The following PNPT1 variants were observed in gnomAD, a reference collection of about 807,000 sequenced individuals.
PNPT1 encodes polyribonucleotide nucleotidyltransferase 1.
Under a neutral mutation model 119.5 loss-of-function variants are expected in PNPT1, and 53 were observed. The ratio of observed to expected loss-of-function variants is 0.44; its 90% CI spans 0.36 to 0.56. The LOEUF (loss-of-function observed/expected upper bound fraction) is 0.56, where lower values mean the gene tolerates loss of function less well. Ranked by LOEUF, PNPT1 falls within the 20% of genes least tolerant of loss-of-function variation. PNPT1 has a pLI of 0.00. For missense variants in PNPT1, 948 were observed against 938.5 expected (o/e 1.01, Z -0.13); for synonymous variants, 357 against 322.1 (o/e 1.11, Z -1.16).
intron 5 of PNPT1, among the ~76,000 whole-genome samples, chr2:55,681,595 A>G (rs959509457): frequency 1.1e-4 from 17 of 152,180 alleles, no homozygotes; most frequent in African/African-American, 3.9e-4. Flanking sequence ...CTGTAATCTC[A>G]ACATTTTGGG....
chr2:55,656,692 T>C (rs1186002423), intron 15 of PNPT1, among the ~76,000 whole-genome samples: 1 of 152,226 alleles, frequency 6.6e-6, no homozygotes, highest in Non-Finnish European at 1.5e-5. Context: ...AATATGTACA[T>C]ATTTAAAAAG....
At chr2:55,645,323 C>T (rs757242645) in intron 22 of PNPT1, 26 bp downstream of exon 22, 20 of 1,537,492 alleles carry the variant, frequency 1.3e-5, no homozygotes, top group South Asian at 9.0e-5. Context: ...CGCGCCCAGC[C>T]GATCACTAAA....
chr2:55,671,598 T>G (rs372302834), intron 10 of PNPT1, among the ~76,000 whole-genome samples: 1 of 152,230 alleles, frequency 6.6e-6, no homozygotes, highest in Admixed American at 6.5e-5. Flanking sequence ...AAAAGAACTT[T>G]GGGTGGCCAA....
Position 55,635,793 on chromosome 2 carries a change from T to C in PNPT1, c.*444A>G, listed in dbSNP as rs1045641307. The C allele has an allele frequency of 1.3e-5, 2 of 152,622 alleles. No individual in the cohort carries two copies. Among genetic ancestry groups the C allele is most frequent in the African/African-American group, 4.8e-5 (2 of 41,462 alleles). 9.5% of individuals were successfully genotyped at this position (152,622 alleles called of 1,614,324 possible). A position where few individuals can be genotyped will look rare whatever the true frequency, so the allele number is the denominator to read the frequency against. On this transcript the variant is annotated 3_prime_UTR_variant, in exon 28 of 28. Coordinates refer to ENST00000447944, the MANE Select transcript of PNPT1 (RefSeq NM_033109.5). ...GGCTTTGAATATGGCCTGTTCCAGTTTGTGAACCGTTGTAGGCAAGTAAAG... is the reference window on the plus strand; with the variant it reads ...GGCTTTGAATATGGCCTGTTCCAGTCTGTGAACCGTTGTAGGCAAGTAAAG...
intron 18 of PNPT1, 42 bp from the exon 19 acceptor site, chr2:55,647,495 G>A (rs1323643960): frequency 7.7e-6 from 11 of 1,434,632 alleles, no homozygotes; most frequent in Non-Finnish European, 1.1e-5. Context: ...ATGTGTACAT[G>A]AGCCTAAAAC....
At chr2:55,639,889 A>G (rs1208507491) in intron 26 of PNPT1, among the ~76,000 whole-genome samples, 1 of 152,134 alleles carries the variant, frequency 6.6e-6, no homozygotes, top group Non-Finnish European at 1.5e-5. Flanking sequence ...ACCTTTTTTA[A>G]AAAGCACATT....
At chr2:55,637,857 G>A (rs956284157) in intron 26 of PNPT1, among the ~76,000 whole-genome samples, 9 of 151,906 alleles carry the variant, frequency 5.9e-5, no homozygotes, top group Admixed American at 6.6e-5. Context: ...AAAATTAGCC[G>A]GGCATGGTGG....
intron 13 of PNPT1, among the ~76,000 whole-genome samples, chr2:55,662,566 T>C (rs537045893): frequency 7.9e-5 from 12 of 152,196 alleles, no homozygotes; most frequent in Non-Finnish European, 1.3e-4. Context: ...TCCCAGCTGC[T>C]TGGGAGGCTG....
In PNPT1 at chr2:55,646,304, C is replaced by T; in HGVS notation, c.1693G>A (p.Gly565Arg). The T allele has an allele frequency of 6.2e-7, 1 of 1,612,810 alleles. No individual in the cohort carries two copies. Among genetic ancestry groups the T allele is most frequent in the South Asian group, 1.1e-5 (1 of 90,978 alleles). The change falls in exon 21 of 28, where the codon GGA becomes AGA. Residue 565 changes from glycine (G) to arginine (R), a missense_variant. Coordinates refer to ENST00000447944, the MANE Select transcript of PNPT1 (RefSeq NM_033109.5). ...TALQADIKLP[G>R]IPIKIVMEAI... ...TCCATCACAATTTTTATTGGTATTCCAGGTAATTTAATATCAGCCTAATAT... is the reference window on the plus strand; with the variant it reads ...TCCATCACAATTTTTATTGGTATTCTAGGTAATTTAATATCAGCCTAATAT...
chr2:55,676,830 C>T (rs917258453), intron 8 of PNPT1, among the ~76,000 whole-genome samples: 3 of 151,232 alleles, frequency 2.0e-5, no homozygotes, highest in African/African-American at 7.3e-5. Flanking sequence ...CCACTGTACT[C>T]CAGCCTCGGC....
intron 13 of PNPT1, among the ~76,000 whole-genome samples, chr2:55,663,568 T>A (rs1278136566): frequency 6.6e-6 from 1 of 152,146 alleles, no homozygotes. Context: ...CTTTCAATCA[T>A]AATGCTGAAA....
chr2:55,646,275 A>T lies in PNPT1; in HGVS notation c.1722T>A (p.Ala574=). Residue 574 remains alanine (A), a synonymous_variant, in exon 21 of 28, where the codon GCT becomes GCA. Transcript: ENST00000447944. ...PGIPIKIVME[A]IQQASVAKKE... ...CTAGCTCACCTGAAGCTTGTTGAATAGCCTCCATCACAATTTTTATTGGTA... is the reference window on the plus strand; with the variant it reads ...CTAGCTCACCTGAAGCTTGTTGAATTGCCTCCATCACAATTTTTATTGGTA... 6.2e-7 allele frequency: 1 copy of T among 1,613,194 alleles called. No individual in the cohort carries two copies.
chr2:55,691,880 T>TATA (rs1697629072), intron 1 of PNPT1, among the ~76,000 whole-genome samples: 1 of 16,992 alleles, frequency 5.9e-5, no homozygotes, highest in Non-Finnish European at 1.7e-4. Context: ...ATATATATAT[T>TATA]TTTTTTTTTT....
At chr2:55,645,022 A>ATT (rs528402444) in intron 22 of PNPT1, 495 of 177,876 alleles carry the variant, frequency 2.8e-3, no homozygotes, top group South Asian at 6.0e-3. Context: ...GATCACTAAA[A>ATT]TTTTTTTTTT....
At chr2:55,687,746 A>G (rs1400034035) in intron 1 of PNPT1, 41 bp from the exon 2 acceptor site, 8 of 1,435,050 alleles carry the variant, frequency 5.6e-6, no homozygotes, top group Non-Finnish European at 7.7e-6. Flanking sequence ...GACTTAGGTC[A>G]TCTGTACAAT....
At chr2:55,679,882 T>G (rs564150969) in intron 7 of PNPT1, 87 bp from the exon 8 acceptor site, 40 of 867,280 alleles carry the variant, frequency 4.6e-5, no homozygotes, top group South Asian at 5.0e-5. Flanking sequence ...AACCCCATCT[T>G]TGATTGTGAC....
chr2:55,673,137 C>G, intron 8 of PNPT1, 58 bp from the exon 9 acceptor site: 1 of 1,336,368 alleles, frequency 7.5e-7, no homozygotes, highest in Non-Finnish European at 1.0e-6. Context: ...AGTAATATAA[C>G]ATTTTCAAAT....
chr2:55,638,318 A>T (rs1572791896), intron 26 of PNPT1, among the ~76,000 whole-genome samples: 2 of 139,726 alleles, frequency 1.4e-5, no homozygotes, highest in East Asian at 4.1e-4. Flanking sequence ...AAAAAAAAAA[A>T]TCAGTTAATT....
chr2:55,668,069 T>C, intron 11 of PNPT1, 111 bp from the exon 12 acceptor site: 1 of 948,904 alleles, frequency 1.1e-6, no homozygotes. Flanking sequence ...CCAAGGGAGA[T>C]GACTCTGAAC....
Sources: allele counts gnomAD v4.1 joint callset (sites outside exome capture counted in the v4.1 genomes callset), GRCh38; gene constraint gnomAD v4.1.1; transcripts MANE v1.5; gene names NCBI Gene and HGNC (gene_info 2026-07-23, HGNC 2026-07-21).